SMAD1: variants seen among roughly 807,000 people sequenced by gnomAD.
SMAD1 encodes MAD, mothers against decapentaplegic homolog 1.
Under a neutral mutation model 41.6 loss-of-function variants are expected in SMAD1, and 6 were observed. That is an observed-to-expected ratio of 0.14 (90% CI 0.08 to 0.28). The LOEUF (loss-of-function observed/expected upper bound fraction) is 0.28. SMAD1 is among the 10% of genes least tolerant of loss of function. The pLI is 1.00. For synonymous variants in SMAD1, 206 were observed against 203.2 expected (o/e 1.01, Z -0.12); for missense variants, 379 against 582.6 (o/e 0.65, Z 3.60).
chr4:145,536,357 G>A (rs533290083), intron 2 of SMAD1, among the ~76,000 whole-genome samples: 48 of 152,228 alleles, frequency 3.2e-4, no homozygotes, highest in South Asian at 1.5e-3. Flanking sequence ...CTGGAGTGGT[G>A]GAAAGGGAAG....
At position 145,508,054 on chromosome 4, in the gene SMAD1, A is replaced by G. The variant is rs368379108; in HGVS notation, c.-176-6384A>G. 4.7e-4 allele frequency among the ~76,000 whole-genome samples: 71 copies of G among 149,776 alleles called. 1 individual carries two copies. In the South Asian group the frequency reaches 0.012, roughly 25 times the overall value. ...GACATTTACCACCTAACTGGCTTCT[A>G]TAATGTTTGGATGCCCTTGGTTTAG... On this transcript the variant is annotated intron_variant, in intron 1 of 6. Transcript: ENST00000302085.
intron 2 of SMAD1, chr4:145,525,627 G>A (rs557588468): frequency 6.6e-6 from 1 of 152,560 alleles, no homozygotes; most frequent in Admixed American, 6.5e-5. Context: ...GGGTGGGTTG[G>A]GCTGAGCTGG....
chr4:145,508,707 G>A (rs961799807), intron 1 of SMAD1, among the ~76,000 whole-genome samples: 2 of 152,038 alleles, frequency 1.3e-5, no homozygotes, highest in African/African-American at 2.4e-5. Context: ...TTTGTAGGCC[G>A]CTATAACAAA....
chr4:145,501,432 T>A (rs1729429495), intron 1 of SMAD1, among the ~76,000 whole-genome samples: 1 of 152,214 alleles, frequency 6.6e-6, no homozygotes, highest in Non-Finnish European at 1.5e-5. Context: ...TATGGATGTG[T>A]TTCCCTTCTA....
At chr4:145,516,821 C>T (rs929259812) in intron 2 of SMAD1, among the ~76,000 whole-genome samples, 3 of 152,048 alleles carry the variant, frequency 2.0e-5, no homozygotes, top group Non-Finnish European at 4.4e-5. Flanking sequence ...TCGTAGTAAC[C>T]TTAAAATGTA....
chr4:145,485,197 T>G (rs748853037), intron 1 of SMAD1, among the ~76,000 whole-genome samples: 13 of 152,136 alleles, frequency 8.5e-5, no homozygotes, highest in Non-Finnish European at 1.8e-4. Flanking sequence ...GCCTCCCAAG[T>G]TGCTGGGACT....
intron 1 of SMAD1, among the ~76,000 whole-genome samples, chr4:145,486,380 A>C (rs752189667): frequency 2.0e-5 from 3 of 152,240 alleles, no homozygotes; most frequent in Non-Finnish European, 4.4e-5. Context: ...GTAGTAATTC[A>C]GTTTGTCTGT....
At chr4:145,548,883 C>CT (rs564914872) in intron 5 of SMAD1, among the ~76,000 whole-genome samples, 40 of 152,228 alleles carry the variant, frequency 2.6e-4, no homozygotes, top group African/African-American at 7.2e-4. Flanking sequence ...CCTGTTTTGA[C>CT]TGGGAGATCA....
chr4:145,518,610 G>A (rs1367444961), intron 2 of SMAD1, among the ~76,000 whole-genome samples: 1 of 126,242 alleles, frequency 7.9e-6, no homozygotes, highest in Non-Finnish European at 2.0e-5. Flanking sequence ...GAAAAAGGGG[G>A]TCTGGAATTC....
intron 1 of SMAD1, among the ~76,000 whole-genome samples, chr4:145,501,801 A>G (rs748221469): frequency 7.2e-5 from 11 of 152,106 alleles, no homozygotes; most frequent in Non-Finnish European, 1.2e-4. Flanking sequence ...ACTTACCAGA[A>G]TATGGTCTGG....
At chr4:145,527,470 G>T (rs1170368788) in intron 2 of SMAD1, among the ~76,000 whole-genome samples, 1 of 152,034 alleles carries the variant, frequency 6.6e-6, no homozygotes, top group South Asian at 2.1e-4. Flanking sequence ...TGATCCGCCC[G>T]CCTCGGCCTC....
At chr4:145,506,487 A>G (rs1017457730) in intron 1 of SMAD1, among the ~76,000 whole-genome samples, 6 of 152,096 alleles carry the variant, frequency 3.9e-5, no homozygotes, top group African/African-American at 7.2e-5. Context: ...TATTCCCTCA[A>G]TATTTAATGG....
rs184966294 is a variant in SMAD1, at chr4:145,513,906, A to C, written c.-176-532A>C. Among the ~76,000 whole-genome samples the C allele has an allele frequency of 3.3e-5, 5 of 152,368 alleles. No individual in the cohort carries two copies. In the East Asian group the frequency reaches 9.6e-4, roughly 29 times the overall value. ...TCAGTTTACTCATCTGTAAAGTGGCAGCAATTGTATTACCTAACTCAAAGG... is the reference window on the plus strand; with the variant it reads ...TCAGTTTACTCATCTGTAAAGTGGCCGCAATTGTATTACCTAACTCAAAGG... On this transcript the variant is annotated intron_variant, in intron 1 of 6. Transcript: ENST00000302085.
chr4:145,524,649 A>T (rs1473393943), intron 2 of SMAD1, among the ~76,000 whole-genome samples: 1 of 151,966 alleles, frequency 6.6e-6, no homozygotes, highest in African/African-American at 2.4e-5. Flanking sequence ...TTCTTATTCT[A>T]TTTCTGCAGT....
rs1343435068 is a variant in SMAD1 at position 145,482,560 on chromosome 4, C to A, written c.-177+522C>A. The A allele has an allele frequency of 1.3e-5, 2 of 151,892 alleles. No individual in the cohort carries two copies. The highest frequency in any genetic ancestry group is 6.5e-5 in the Admixed American group (1 of 15,280). 9.4% of individuals were successfully genotyped at this position (151,892 alleles called of 1,614,324 possible). On this transcript the variant is annotated intron_variant, in intron 1 of 6. Transcript: ENST00000302085. The surrounding 1 kb of genome is among the most constrained non-coding windows in gnomAD (Gnocchi z 4.2). ...ACCGCTGGCGCTGCTCTCCAAGGCG[C>A]CTGGTGGAGCGGGTCTCGCGGGCGG...
chr4:145,549,920 A>C (rs1304885664), intron 5 of SMAD1, among the ~76,000 whole-genome samples: 1 of 152,216 alleles, frequency 6.6e-6, no homozygotes, highest in African/African-American at 2.4e-5. Context: ...ATGTAAACAC[A>C]ATTTTGCATA....
intron 2 of SMAD1, among the ~76,000 whole-genome samples, chr4:145,537,328 C>T (rs1560754684): frequency 1.3e-5 from 2 of 152,114 alleles, no homozygotes; most frequent in African/African-American, 4.8e-5. Flanking sequence ...TACCTGCTCT[C>T]AGATAATTCA....
At chr4:145,511,566 T>A (rs186202007) in intron 1 of SMAD1, among the ~76,000 whole-genome samples, 20 of 152,340 alleles carry the variant, frequency 1.3e-4, no homozygotes, top group Non-Finnish European at 2.4e-4. Context: ...TATATTTTTT[T>A]AATTCCATAT....
At chr4:145,488,951 A>C (rs1449127188) in intron 1 of SMAD1, among the ~76,000 whole-genome samples, 2 of 152,234 alleles carry the variant, frequency 1.3e-5, no homozygotes, top group Non-Finnish European at 2.9e-5. Context: ...GAGTTTGCAT[A>C]GGCAGAAGGA....
Sources: allele counts gnomAD v4.1 joint callset (sites outside exome capture counted in the v4.1 genomes callset), GRCh38; gene constraint gnomAD v4.1.1; non-coding constraint Gnocchi (gnomAD v3.1); transcripts MANE v1.5; gene names NCBI Gene and HGNC (gene_info 2026-07-23, HGNC 2026-07-21).